Variants in CD72 observed in about 807,000 individuals in gnomAD.
CD72 encodes the protein CD72 molecule, also known as B-cell differentiation antigen CD72.
Under a neutral mutation model 50.7 loss-of-function variants are expected in CD72, and 28 were observed. The observed-to-expected ratio is 0.55, with a 90% confidence interval of 0.41 to 0.76. CD72 has a LOEUF of 0.76. Among genes scored for constraint, CD72 ranks in the 30% least tolerant of loss-of-function variants. The pLI, the probability that CD72 is intolerant of heterozygous loss-of-function variation, is 0.00. For synonymous variants in CD72, 176 were observed against 171.2 expected (o/e 1.03, Z -0.22); for missense variants, 403 against 420.6 (o/e 0.96, Z 0.37).
chr9:35,613,097 C>G, intron 5 of CD72, 104 bp from the exon 6 acceptor site: 1 of 923,684 alleles, frequency 1.1e-6, no homozygotes, highest in Non-Finnish European at 1.7e-6. Flanking sequence ...TCAGCACCTT[C>G]ATGGACTTCT....
At chr9:35,637,781 C>T (rs1185628321) in intron 1 of CD72, among the ~76,000 whole-genome samples, 3 of 152,150 alleles carry the variant, frequency 2.0e-5, no homozygotes, top group Non-Finnish European at 4.4e-5. Context: ...CCCACATTCC[C>T]TTGGTGGCAA....
In CD72 at chr9:35,641,929, T is replaced by C. The variant is rs146863426; in HGVS notation, n.408+4474A>G. Among the ~76,000 whole-genome samples, 1,002 of 152,338 alleles carry C rather than the reference T, an allele frequency of 6.6e-3. 10 individuals carry two copies. The highest frequency in any genetic ancestry group is 0.022 in the African/African-American group (929 of 41,572). Reference sequence around the variant, plus strand: ...TTCTCTCCATACTGCTGCATGGGCATGGAGGACTAGGTGAGCATACTTAGA... The same window carrying C: ...TTCTCTCCATACTGCTGCATGGGCACGGAGGACTAGGTGAGCATACTTAGA... On this transcript the variant is annotated intron_variant and non_coding_transcript_variant, in intron 1 of 3. Transcript: ENST00000465754.
At chr9:35,622,616 G>A (rs144078205), upstream of CD72, among the ~76,000 whole-genome samples, 26 of 151,968 alleles carry the variant, frequency 1.7e-4, no homozygotes, top group Admixed American at 1.3e-3. Context: ...GTGAAACCCC[G>A]TCTCTACTAA....
intron 1 of CD72, among the ~76,000 whole-genome samples, chr9:35,633,128 G>A (rs1221674257): frequency 6.7e-6 from 1 of 150,346 alleles, no homozygotes; most frequent in African/African-American, 2.4e-5. Flanking sequence ...TTTCTTCAGA[G>A]ATGGGGTTTC....
intron 7 of CD72, among the ~76,000 whole-genome samples, chr9:35,611,357 ATCACAGTGAAG>A (rs1334002690): frequency 2.0e-5 from 3 of 151,992 alleles, no homozygotes; most frequent in African/African-American, 7.2e-5. Flanking sequence ...TGCTGTCTTG[ATCACAGTGAAG>A]TGGAGCTTCG....
At chr9:35,619,527 C>A (rs1022108840), upstream of CD72, 1 of 152,212 alleles carries the variant, frequency 6.6e-6, no homozygotes, top group African/African-American at 2.4e-5. Flanking sequence ...GCCAACAGCT[C>A]GGATGATTGG....
upstream of CD72, among the ~76,000 whole-genome samples, chr9:35,622,927 C>A (rs921166375): frequency 6.6e-5 from 10 of 151,996 alleles, no homozygotes; most frequent in African/African-American, 2.4e-4. Flanking sequence ...GCCAACACAG[C>A]GAGACTCCAT....
At chr9:35,623,469 T>C (rs755934032), upstream of CD72, among the ~76,000 whole-genome samples, 1 of 152,190 alleles carries the variant, frequency 6.6e-6, no homozygotes, top group African/African-American at 2.4e-5. Context: ...TAGCCCTTTT[T>C]TTTTGTTTTG....
chr9:35,618,037 G>C lies in CD72; in HGVS notation c.167C>G (p.Ser56Cys), dbSNP rs1189015255. The C allele has an allele frequency of 1.9e-6, 3 of 1,612,738 alleles. No individual in the cohort carries two copies. The highest frequency in any genetic ancestry group is 2.5e-6 in the Non-Finnish European group (3 of 1,178,876). ...ACCTGCTTTGTCCCCTAGTACAGAA[G>C]AAGCCAAGCTTGAGGGCACCCCTAG... Reference protein sequence around the residue: ...AVLGVPSSLASSVLGDKAAVK... With the variant: ...AVLGVPSSLACSVLGDKAAVK... The change falls in exon 2 of 9, where the codon TCT becomes TGT. Residue 56 changes from serine to cysteine, a missense_variant. Physicochemically the swap from Ser to Cys is moderately radical, Grantham distance 112. Coordinates refer to ENST00000259633, the MANE Select transcript of CD72 (RefSeq NM_001782.3).
intron 1 of CD72, among the ~76,000 whole-genome samples, chr9:35,645,199 C>CAAA (rs539705878): frequency 6.3e-5 from 6 of 95,126 alleles, no homozygotes; most frequent in South Asian, 6.5e-4. Context: ...AACTCCGTCT[C>CAAA]AAAAAAAAAA....
chr9:35,621,618 G>T (rs754184708), upstream of CD72, among the ~76,000 whole-genome samples: 4 of 152,146 alleles, frequency 2.6e-5, no homozygotes, highest in Non-Finnish European at 2.9e-5. Flanking sequence ...GTTAATCAAG[G>T]TCCTTTAGAT....
At chr9:35,646,301 CTCCCCCTGAGGG>C (rs55741536) in intron 1 of CD72, 61,798 of 151,968 alleles carry the variant, frequency 0.41, 13,303 homozygotes, top group Non-Finnish European at 0.47. Flanking sequence ...GCCCTAGGAG[CTCCCCCTGAGGG>C]TCTGTCCCTG....
intron 2 of CD72, 144 bp from the exon 3 acceptor site, chr9:35,617,391 T>C (rs891627389): frequency 3.5e-5 from 31 of 885,934 alleles, no homozygotes; most frequent in Non-Finnish European, 5.0e-5. Context: ...ACAGTGTCAC[T>C]CTCCTGAGTT....
intron 1 of CD72, among the ~76,000 whole-genome samples, chr9:35,628,539 C>T (rs767112463): frequency 6.6e-6 from 1 of 152,240 alleles, no homozygotes; most frequent in Admixed American, 6.5e-5. Context: ...GCTCGCTGCT[C>T]GGCAGATACT....
chr9:35,611,351 G>A lies in CD72; in HGVS notation c.950+453C>T, dbSNP rs370602702. ...TGATCCTCAATGGTACCCCACTGCTGTCTTGATCACAGTGAAGTGGAGCTT... is the reference window on the plus strand; with the variant it reads ...TGATCCTCAATGGTACCCCACTGCTATCTTGATCACAGTGAAGTGGAGCTT... On this transcript the variant is annotated intron_variant, in intron 7 of 8. Coordinates refer to ENST00000259633, the MANE Select transcript of CD72 (RefSeq NM_001782.3). Among the ~76,000 whole-genome samples, 383 of 152,250 alleles carry A rather than the reference G, an allele frequency of 2.5e-3. 1 individual carries two copies. The highest frequency in any genetic ancestry group is 5.0e-3 in the African/African-American group (207 of 41,540).
intron 5 of CD72, among the ~76,000 whole-genome samples, chr9:35,613,294 T>C (rs970103063): frequency 6.6e-6 from 1 of 152,098 alleles, no homozygotes; most frequent in Non-Finnish European, 1.5e-5. Flanking sequence ...CTAACATCTC[T>C]TGGGCCCATC....
At chr9:35,640,906 T>C (rs1421085520) in intron 1 of CD72, among the ~76,000 whole-genome samples, 1 of 152,264 alleles carries the variant, frequency 6.6e-6, no homozygotes, top group Non-Finnish European at 1.5e-5. Flanking sequence ...ATTGGCTATT[T>C]CTTTACCTCC....
intron 2 of CD72, 63 bp downstream of exon 2, chr9:35,617,951 T>C: frequency 2.1e-6 from 2 of 960,556 alleles, no homozygotes; most frequent in South Asian, 1.3e-5. Context: ...ACAAAAACAT[T>C]GTGGACTCCC....
intron 5 of CD72, 86 bp from the exon 6 acceptor site, chr9:35,613,079 A>C: frequency 9.0e-7 from 1 of 1,105,110 alleles, no homozygotes; most frequent in Non-Finnish European, 1.3e-6. Flanking sequence ...ATTCCCCCAG[A>C]GCTAATCTCA....
Sources: allele counts gnomAD v4.1 joint callset (sites outside exome capture counted in the v4.1 genomes callset), GRCh38; gene constraint gnomAD v4.1.1; transcripts MANE v1.5; gene names NCBI Gene and HGNC (gene_info 2026-07-23, HGNC 2026-07-21).